Variants in REDIC1 observed in about 807,000 individuals in gnomAD.
The protein encoded by REDIC1 is HEI10 Interacting Protein 1.
At chr12:39,678,491 C>T in the REDIC1 span, among the ~76,000 whole-genome samples, 3 of 151,934 alleles carry the variant, frequency 2.0e-5, no homozygotes, top group Non-Finnish European at 4.4e-5. Flanking sequence ...TGGATTCACG[C>T]TGAATTTTAT....
the REDIC1 span, chr12:39,764,351 T>C: frequency 9.5e-7 from 1 of 1,050,474 alleles, no homozygotes; most frequent in African/African-American, 1.6e-5. Flanking sequence ...GAGATACTTA[T>C]AACAGCAAAA....
chr12:39,895,795 TGTATATGCGTGTATACGTACACAC>T, the REDIC1 span, among the ~76,000 whole-genome samples: 383 of 99,256 alleles, frequency 3.9e-3, 126 homozygotes, highest in African/African-American at 0.012. Context: ...CGTACACACA[TGTATATGCGTGTATACGTACACAC>T]ATGTATATGC....
At chr12:39,867,111 A>C in the REDIC1 span, among the ~76,000 whole-genome samples, 1 of 152,204 alleles carries the variant, frequency 6.6e-6, no homozygotes, top group African/African-American at 2.4e-5. Flanking sequence ...CCTCTCTCCT[A>C]AAACAAAACA....
At chr12:39,685,110 C>G in the REDIC1 span, among the ~76,000 whole-genome samples, 1 of 152,120 alleles carries the variant, frequency 6.6e-6, no homozygotes, top group Non-Finnish European at 1.5e-5. Flanking sequence ...GAAATAAAAA[C>G]ACGTTTTCAG....
At chr12:39,746,982 A>G in the REDIC1 span, among the ~76,000 whole-genome samples, 4 of 152,232 alleles carry the variant, frequency 2.6e-5, no homozygotes, top group East Asian at 1.9e-4. Context: ...GGGAAAAAAC[A>G]AAGCAGAAAA....
chr12:39,787,445 C>T, the REDIC1 span, among the ~76,000 whole-genome samples: 7 of 152,316 alleles, frequency 4.6e-5, no homozygotes, highest in Admixed American at 3.3e-4. Context: ...ATGATGTGTT[C>T]TCTAAAGCAG....
chr12:39,735,011 G>A, the REDIC1 span, among the ~76,000 whole-genome samples: 372 of 152,284 alleles, frequency 2.4e-3, 1 homozygote, highest in African/African-American at 8.1e-3. Flanking sequence ...CTAATTTATT[G>A]CAGCAATCTT....
At chr12:39,771,004 A>G in the REDIC1 span, among the ~76,000 whole-genome samples, 148,017 of 152,220 alleles carry the variant, frequency 0.97, 71,965 homozygotes, top group East Asian at 1. Flanking sequence ...CTACCTCAAA[A>G]GGCTATTTTG....
chr12:39,647,861 CCAT>C, the REDIC1 span: 1 of 1,608,736 alleles, frequency 6.2e-7, no homozygotes, highest in Non-Finnish European at 8.5e-7. Context: ...CAGTTTCACT[CCAT>C]CATCTTTTTC....
the REDIC1 span, among the ~76,000 whole-genome samples, chr12:39,900,538 C>G: frequency 3.6e-4 from 55 of 152,126 alleles, no homozygotes; most frequent in African/African-American, 1.2e-3. Context: ...TTCTTATACA[C>G]CAATAACAGA....
At chr12:39,716,351 G>T in the REDIC1 span, among the ~76,000 whole-genome samples, 2 of 152,012 alleles carry the variant, frequency 1.3e-5, no homozygotes, top group African/African-American at 2.4e-5. Flanking sequence ...TGATTGCACA[G>T]TAAACTTTCA....
At chr12:39,898,434 T>C in the REDIC1 span, among the ~76,000 whole-genome samples, 28 of 152,256 alleles carry the variant, frequency 1.8e-4, no homozygotes, top group African/African-American at 6.7e-4. Context: ...TAACCAGTGT[T>C]TGTGTGTCCA....
chr12:39,752,966 A>G, the REDIC1 span, among the ~76,000 whole-genome samples: 1 of 152,190 alleles, frequency 6.6e-6, no homozygotes, highest in East Asian at 1.9e-4. Context: ...ATCCTCAGAG[A>G]ATCTGATTCA....
At chr12:39,885,399 C>T in the REDIC1 span, among the ~76,000 whole-genome samples, 8 of 152,178 alleles carry the variant, frequency 5.3e-5, no homozygotes, top group African/African-American at 1.7e-4. Flanking sequence ...AGTCATCTAA[C>T]ATGTAAGAAG....
At chr12:39,896,229 C>T in the REDIC1 span, among the ~76,000 whole-genome samples, 12 of 126,472 alleles carry the variant, frequency 9.5e-5, no homozygotes, top group Admixed American at 5.7e-4. Flanking sequence ...TACATATATG[C>T]ATATGTGTAT....
At chr12:39,726,109 C>CT in the REDIC1 span, among the ~76,000 whole-genome samples, 3 of 152,026 alleles carry the variant, frequency 2.0e-5, no homozygotes, top group Admixed American at 6.6e-5. Context: ...TAATTTTCTT[C>CT]TTTTTTTGCT....
At chr12:39,847,388 T>C in the REDIC1 span, among the ~76,000 whole-genome samples, 7 of 152,034 alleles carry the variant, frequency 4.6e-5, no homozygotes, top group African/African-American at 1.7e-4. Context: ...AGAATACATT[T>C]CCCAGTTCAC....
chr12:39,906,299 T>A, the REDIC1 span, among the ~76,000 whole-genome samples: 1 of 152,158 alleles, frequency 6.6e-6, no homozygotes, highest in Non-Finnish European at 1.5e-5. Flanking sequence ...ACTGTGTGAA[T>A]AACTAGACAA....
At chr12:39,831,655 T>C in the REDIC1 span, among the ~76,000 whole-genome samples, 1 of 152,080 alleles carries the variant, frequency 6.6e-6, no homozygotes, top group Non-Finnish European at 1.5e-5. Context: ...AGGTATTGAA[T>C]CATGGGGGAA....
Sources: allele counts gnomAD v4.1 joint callset (sites outside exome capture counted in the v4.1 genomes callset), GRCh38; gene constraint gnomAD v4.1.1; transcripts MANE v1.5; gene names NCBI Gene and HGNC (gene_info 2026-07-23, HGNC 2026-07-21).